The following GLRA2 variants were observed in gnomAD, a reference collection of about 807,000 sequenced individuals.
GLRA2 encodes the protein glycine receptor alpha 2, also known as glycine receptor subunit alpha-2.
A neutral mutation model predicts 31.6 loss-of-function variants in GLRA2; 11 were observed. The ratio of observed to expected loss-of-function variants is 0.35; its 90% CI spans 0.22 to 0.58. The LOEUF (loss-of-function observed/expected upper bound fraction) is 0.58. Among genes scored for constraint, GLRA2 ranks in the 20% least tolerant of loss-of-function variants. The pLI, the probability that GLRA2 is intolerant of heterozygous loss-of-function variation, is 0.84. For missense variants in GLRA2, 212 were observed against 351.8 expected, an observed-to-expected ratio of 0.60 and a Z score of 3.18; for synonymous variants, 132 against 134.0, an observed-to-expected ratio of 0.99 and a Z score of 0.10.
chrX:14,678,159 G>T, intron 7 of GLRA2, among the ~76,000 whole-genome samples: 1 of 111,878 alleles, frequency 8.9e-6, no homozygotes, highest in African/African-American at 3.2e-5. Flanking sequence ...GGCTTACTCA[G>T]GGCTAAGCAA....
chrX:14,726,805 T>A (rs2091934324), intron 8 of GLRA2, among the ~76,000 whole-genome samples: 1 of 112,599 alleles, frequency 8.9e-6, no homozygotes, highest in African/African-American at 3.2e-5. Context: ...ATATTTAAGT[T>A]TCCTTTTGTG....
intron 4 of GLRA2, among the ~76,000 whole-genome samples, chrX:14,594,616 G>A (rs2090180632): frequency 9.0e-6 from 1 of 111,557 alleles, no homozygotes; most frequent in Non-Finnish European, 1.9e-5. Context: ...AAATATCAAA[G>A]CATTTGGGAA....
At chrX:14,679,446 A>G (rs569005996) in intron 7 of GLRA2, among the ~76,000 whole-genome samples, 17 of 109,385 alleles carry the variant, frequency 1.6e-4, no homozygotes, top group Non-Finnish European at 2.1e-4. Flanking sequence ...AAAGAAAAGA[A>G]AAAGACACCT....
chrX:14,524,742 T>TTGTGTGTG (rs113079569), upstream of GLRA2, among the ~76,000 whole-genome samples: 10 of 105,208 alleles, frequency 9.5e-5, no homozygotes, highest in Non-Finnish European at 1.8e-4. Flanking sequence ...TTCAACATAT[T>TTGTGTGTG]TGTGTGTGTG....
chrX:14,653,104 C>T (rs1042998914), intron 7 of GLRA2, among the ~76,000 whole-genome samples: 3 of 111,321 alleles, frequency 2.7e-5, no homozygotes, highest in Non-Finnish European at 5.7e-5. Context: ...TGTACCTGGT[C>T]ACCCAAGAGC....
chrX:14,501,170 C>T, the GLRA2 span, among the ~76,000 whole-genome samples: 2 of 110,828 alleles, frequency 1.8e-5, no homozygotes, highest in African/African-American at 6.6e-5. Flanking sequence ...CGGAACCCAC[C>T]ATGACACAGT....
the GLRA2 span, among the ~76,000 whole-genome samples, chrX:14,469,859 AAAAC>A: frequency 6.3e-5 from 7 of 110,919 alleles, no homozygotes; most frequent in African/African-American, 1.3e-4. Flanking sequence ...AATTTAAAAA[AAAAC>A]AAAGCTAATA....
the GLRA2 span, among the ~76,000 whole-genome samples, chrX:14,456,269 T>C: frequency 1.8e-5 from 2 of 111,907 alleles, no homozygotes; most frequent in African/African-American, 6.5e-5. Context: ...ATGGGGTACA[T>C]AGTGATGTTT....
intron 3 of GLRA2, among the ~76,000 whole-genome samples, chrX:14,577,932 T>C (rs1273810911): frequency 8.9e-6 from 1 of 111,996 alleles, no homozygotes; most frequent in Non-Finnish European, 1.9e-5. Context: ...CAGAAACAGA[T>C]TCTTCCCTGA....
At chrX:14,713,149 A>T (rs1344309066) in intron 8 of GLRA2, among the ~76,000 whole-genome samples, 1 of 112,021 alleles carries the variant, frequency 8.9e-6, no homozygotes, top group Admixed American at 9.4e-5. Context: ...AGAATCATCC[A>T]AGTTAGTAAA....
chrX:14,656,825 T>C (rs1256050841), intron 7 of GLRA2, among the ~76,000 whole-genome samples: 1 of 111,904 alleles, frequency 8.9e-6, no homozygotes, highest in Admixed American at 9.5e-5. Context: ...GATAGAGGCA[T>C]AGGTAGTAAT....
chrX:14,689,636 G>A (rs759443991), intron 7 of GLRA2, among the ~76,000 whole-genome samples: 6 of 111,667 alleles, frequency 5.4e-5, no homozygotes, highest in Admixed American at 4.7e-4. Flanking sequence ...TTGTTGTAAG[G>A]GTTAAAAAAT....
At chrX:14,580,617 T>A (rs772475732) in intron 3 of GLRA2, among the ~76,000 whole-genome samples, 39 of 112,360 alleles carry the variant, frequency 3.5e-4, no homozygotes, top group African/African-American at 1.0e-3. Context: ...ATGATAAGAA[T>A]TTCAAAAGTA....
At chrX:14,536,510 G>A (rs973114163) in intron 2 of GLRA2, among the ~76,000 whole-genome samples, 3 of 112,322 alleles carry the variant, frequency 2.7e-5, no homozygotes, top group African/African-American at 9.7e-5. Context: ...TTGTGCCTGA[G>A]TGCAGAAAGT....
intron 8 of GLRA2, among the ~76,000 whole-genome samples, chrX:14,724,202 TTTAC>T (rs1247793708): frequency 8.9e-6 from 1 of 112,167 alleles, no homozygotes; most frequent in Non-Finnish European, 1.9e-5. Flanking sequence ...GTATAATTTG[TTTAC>T]TTGTTACTGT....
At chrX:14,507,008 T>A in the GLRA2 span, among the ~76,000 whole-genome samples, 49 of 111,886 alleles carry the variant, frequency 4.4e-4, no homozygotes, top group Non-Finnish European at 2.3e-4. Flanking sequence ...AAATCTTTAT[T>A]TGAGTAATTG....
At chrX:14,595,187 T>C (rs1338159427) in intron 4 of GLRA2, among the ~76,000 whole-genome samples, 1 of 111,614 alleles carries the variant, frequency 9.0e-6, no homozygotes, top group Non-Finnish European at 1.9e-5. Flanking sequence ...AATCTGGGAA[T>C]CTATCAATTT....
intron 7 of GLRA2, among the ~76,000 whole-genome samples, chrX:14,618,243 T>C (rs961744230): frequency 5.4e-5 from 6 of 111,567 alleles, no homozygotes; most frequent in Non-Finnish European, 1.1e-4. Flanking sequence ...TTATAAAATA[T>C]CTCTCATGGC....
At chrX:14,618,068 A>G (rs1235837763) in intron 7 of GLRA2, among the ~76,000 whole-genome samples, 1 of 112,397 alleles carries the variant, frequency 8.9e-6, no homozygotes, top group Non-Finnish European at 1.9e-5. Flanking sequence ...ATAAGAATAT[A>G]AGAATATCGC....
Sources: gnomAD v4.1 joint callset for allele counts (sites outside exome capture counted in the v4.1 genomes callset) on GRCh38, gnomAD v4.1.1 for gene constraint, MANE v1.5 for transcripts, NCBI Gene and HGNC (gene_info 2026-07-23, HGNC 2026-07-21) for gene names.